The following EGFLAM variants were observed in gnomAD, a reference collection of about 807,000 sequenced individuals.
EGFLAM encodes EGF like, fibronectin type III and laminin G domains.
In EGFLAM, 79 loss-of-function variants were observed where a neutral mutation model predicts 113.1. The ratio of observed to expected loss-of-function variants is 0.70; its 90% CI spans 0.58 to 0.84. The LOEUF is 0.84. Among genes scored for constraint, EGFLAM ranks in the 40% least tolerant of loss-of-function variants. EGFLAM has a pLI of 0.00. For missense variants in EGFLAM, 1,265 were observed against 1,291.6 expected, an observed-to-expected ratio of 0.98 and a Z score of 0.32; for synonymous variants, 504 against 487.6, an observed-to-expected ratio of 1.03 and a Z score of -0.44.
At chr5:38,329,766 A>G (rs1428375893) in intron 1 of EGFLAM, among the ~76,000 whole-genome samples, 3 of 152,094 alleles carry the variant, frequency 2.0e-5, no homozygotes, top group East Asian at 1.9e-4. Context: ...AGAGCCTGGT[A>G]TGTCCTTGCT....
chr5:38,403,632 G>A, intron 6 of EGFLAM: 1 of 713,342 alleles, frequency 1.4e-6, no homozygotes, highest in Non-Finnish European at 2.2e-6. Flanking sequence ...AGGCAGGATG[G>A]AGCAGGGCAG....
At chr5:38,299,722 C>T (rs973631093) in intron 1 of EGFLAM, among the ~76,000 whole-genome samples, 8 of 152,100 alleles carry the variant, frequency 5.3e-5, no homozygotes, top group African/African-American at 1.2e-4. Context: ...AAGAGCATGA[C>T]GTCTCCCCCA....
intron 18 of EGFLAM, among the ~76,000 whole-genome samples, chr5:38,449,155 T>C (rs1742822663): frequency 6.6e-6 from 1 of 152,220 alleles, no homozygotes; most frequent in East Asian, 1.9e-4. Context: ...CTATTCCCCT[T>C]TCTGCTCCCC....
At chr5:38,431,076 C>A (rs2112206866) in intron 14 of EGFLAM, 101 bp from the exon 15 acceptor site, 3 of 1,035,334 alleles carry the variant, frequency 2.9e-6, no homozygotes, top group Non-Finnish European at 4.3e-6. Flanking sequence ...CAGAAACACA[C>A]TCACAGACAC....
chr5:38,259,682 T>C (rs1409385421), intron 1 of EGFLAM, among the ~76,000 whole-genome samples: 1 of 152,248 alleles, frequency 6.6e-6, no homozygotes, highest in African/African-American at 2.4e-5. Flanking sequence ...TTTAGAATTC[T>C]GAAAAATCTG....
intron 17 of EGFLAM, among the ~76,000 whole-genome samples, chr5:38,442,496 GTTAT>G (rs1444679637): frequency 1.3e-5 from 2 of 150,800 alleles, no homozygotes; most frequent in Non-Finnish European, 3.0e-5. Flanking sequence ...GAAAAGAGAG[GTTAT>G]TTAATTATTG....
At chr5:38,276,342 A>G (rs907694518) in intron 1 of EGFLAM, among the ~76,000 whole-genome samples, 8 of 152,214 alleles carry the variant, frequency 5.3e-5, no homozygotes, top group Non-Finnish European at 1.0e-4. Context: ...TGCAGGGCCA[A>G]ACCAATCAGA....
chr5:38,267,686 A>G (rs1012753535), intron 1 of EGFLAM, among the ~76,000 whole-genome samples: 1 of 152,216 alleles, frequency 6.6e-6, no homozygotes, highest in Non-Finnish European at 1.5e-5. Flanking sequence ...AAGAATTTAC[A>G]GCTATTTTCA....
intron 6 of EGFLAM, chr5:38,403,679 T>G (rs556606913): frequency 8.1e-7 from 1 of 1,230,602 alleles, no homozygotes; most frequent in South Asian, 1.5e-5. Flanking sequence ...ACTTATGAAT[T>G]GTTTATTTCT....
At chr5:38,273,073 T>C (rs1757803838) in intron 1 of EGFLAM, among the ~76,000 whole-genome samples, 1 of 152,118 alleles carries the variant, frequency 6.6e-6, no homozygotes, top group African/African-American at 2.4e-5. Context: ...TATCTAGTTA[T>C]AGCATAACAA....
intron 12 of EGFLAM, among the ~76,000 whole-genome samples, chr5:38,422,587 T>C (rs1169748565): frequency 6.6e-6 from 1 of 152,254 alleles, no homozygotes; most frequent in Admixed American, 6.5e-5. Context: ...CTCTATCACA[T>C]ATTTTTAAAG....
rs1463457649 is a variant in EGFLAM, at chr5:38,404,179, T to A, written c.713-1947T>A. Among the ~76,000 whole-genome samples the A allele has an allele frequency of 3.3e-5, 5 of 152,182 alleles. No homozygotes were observed. The East Asian group carries it at 9.7e-4, about 29-fold the overall frequency. ...TTTCTGCCATTTCCTTCCACTCCAT[T>A]TTCAATCTGATTGCTATTCTGTTTG... On this transcript the variant is annotated intron_variant, in intron 6 of 21. Coordinates refer to ENST00000322350, the MANE Select transcript of EGFLAM (RefSeq NM_152403.4).
chr5:38,328,509 C>T (rs781109108), intron 1 of EGFLAM, among the ~76,000 whole-genome samples: 12 of 152,116 alleles, frequency 7.9e-5, no homozygotes, highest in East Asian at 1.9e-4. Flanking sequence ...TGCATATTGC[C>T]GCCAAAGTGT....
At chr5:38,403,848 A>G in intron 6 of EGFLAM, 4 of 1,613,946 alleles carry the variant, frequency 2.5e-6, no homozygotes, top group Non-Finnish European at 3.4e-6. Flanking sequence ...CATCTGGCAC[A>G]CAGATACGCT....
intron 3 of EGFLAM, 124 bp from the exon 4 acceptor site, chr5:38,350,377 G>A: frequency 2.1e-6 from 2 of 950,356 alleles, no homozygotes; most frequent in Non-Finnish European, 1.6e-6. Flanking sequence ...CCTAGACAAA[G>A]CAAAACATTC....
At chr5:38,375,062 T>TG (rs1322821089) in intron 6 of EGFLAM, among the ~76,000 whole-genome samples, 813 of 72,660 alleles carry the variant, frequency 0.011, 3 homozygotes, top group Non-Finnish European at 0.017. Context: ...CTGTTGTTGT[T>TG]TTTTTTTTTT....
At chr5:38,318,039 C>T (rs978396272) in intron 1 of EGFLAM, among the ~76,000 whole-genome samples, 2 of 152,088 alleles carry the variant, frequency 1.3e-5, no homozygotes, top group African/African-American at 4.8e-5. Flanking sequence ...TGAGCGGGCA[C>T]TTGGGGAAGA....
chr5:38,272,776 GTC>G (rs1491483555), intron 1 of EGFLAM, among the ~76,000 whole-genome samples: 2 of 108,062 alleles, frequency 1.9e-5, no homozygotes, highest in South Asian at 2.9e-4. Flanking sequence ...GTGTGTGTGT[GTC>G]TGTGTCTGTG....
intron 19 of EGFLAM, among the ~76,000 whole-genome samples, chr5:38,457,307 A>C (rs888474463): frequency 1.3e-5 from 2 of 152,190 alleles, no homozygotes; most frequent in Non-Finnish European, 2.9e-5. Context: ...GTGGCTTAAA[A>C]CAATAGAAGT....
Sources: gnomAD v4.1 joint callset for allele counts (sites outside exome capture counted in the v4.1 genomes callset) on GRCh38, gnomAD v4.1.1 for gene constraint, MANE v1.5 for transcripts, NCBI Gene and HGNC (gene_info 2026-07-23, HGNC 2026-07-21) for gene names.